CUX1: variants seen among roughly 807,000 people sequenced by gnomAD.
CUX1 encodes the protein cut like homeobox 1.
In CUX1, 31 loss-of-function variants were observed where a neutral mutation model predicts 158.8. The observed-to-expected ratio is 0.20, with a 90% CI of 0.15 to 0.26. CUX1 has a LOEUF of 0.26. CUX1 is among the 10% of genes least tolerant of loss of function. CUX1 has a pLI of 1.00. For synonymous variants in CUX1, 879 were observed against 862.1 expected, an observed-to-expected ratio of 1.02 and a Z score of -0.34; for missense variants, 1,589 against 2,014.6, an observed-to-expected ratio of 0.79 and a Z score of 4.04.
At chr7:101,879,576 G>T (rs559234301) in intron 1 of CUX1, among the ~76,000 whole-genome samples, 180 of 152,142 alleles carry the variant, frequency 1.2e-3, no homozygotes, top group African/African-American at 3.6e-3. Flanking sequence ...GGCCTTCTGG[G>T]GCTTACTTCC....
chr7:101,883,156 A>C (rs1584872521), intron 1 of CUX1, among the ~76,000 whole-genome samples: 1 of 152,128 alleles, frequency 6.6e-6, no homozygotes, highest in East Asian at 1.9e-4. Flanking sequence ...TTCCTATCAC[A>C]GCAATTTTCG....
At chr7:102,243,927 T>G (rs1227618715) in intron 23 of CUX1, among the ~76,000 whole-genome samples, 1 of 151,954 alleles carries the variant, frequency 6.6e-6, no homozygotes, top group Non-Finnish European at 1.5e-5. Context: ...CTCTAGAGGC[T>G]GAGGCAGGAG....
chr7:102,027,964 G>T, intron 2 of CUX1, 134 bp from the exon 3 acceptor site: 1 of 776,104 alleles, frequency 1.3e-6, no homozygotes, highest in Non-Finnish European at 2.1e-6. Flanking sequence ...GCAGGAATGG[G>T]TGAGGTCCCA....
intron 2 of CUX1, among the ~76,000 whole-genome samples, chr7:101,922,635 G>T (rs556450764): frequency 3.9e-5 from 6 of 152,248 alleles, no homozygotes; most frequent in Non-Finnish European, 8.8e-5. Context: ...TCTCCTCCTT[G>T]TGTCCTGGGG....
intron 2 of CUX1, among the ~76,000 whole-genome samples, chr7:101,918,582 C>T (rs1306166725): frequency 6.6e-6 from 1 of 152,252 alleles, no homozygotes; most frequent in East Asian, 1.9e-4. Context: ...TAACGAGGGT[C>T]TCACTGCAGC....
intron 2 of CUX1, among the ~76,000 whole-genome samples, chr7:102,026,034 C>T (rs1306191200): frequency 6.6e-6 from 1 of 152,078 alleles, no homozygotes; most frequent in Non-Finnish European, 1.5e-5. Context: ...AGAAAATTAG[C>T]AAGGCATGAT....
intron 14 of CUX1, among the ~76,000 whole-genome samples, chr7:102,269,981 C>T (rs1791097798): frequency 6.6e-6 from 1 of 152,326 alleles, no homozygotes; most frequent in Non-Finnish European, 1.5e-5. Context: ...AGCTGCCCAC[C>T]CCTTCCCCCA....
In CUX1 at chr7:102,084,473, G is replaced by A. The variant is rs1827759047; in HGVS notation, c.269-12891G>A. Among the ~76,000 whole-genome samples, 2 of 141,756 alleles carry A rather than the reference G, an allele frequency of 1.4e-5. 1 individual carries two copies. The highest frequency in any genetic ancestry group is 3.2e-5 in the Non-Finnish European group (2 of 63,258). 93.0% of individuals were successfully genotyped at this position (141,756 alleles called of 152,430 possible). On this transcript the variant is annotated intron_variant, in intron 4 of 23. Transcript: ENST00000292535. Reference sequence around the variant, plus strand: ...GAGTCTCGCTCTGTCACCCTGGCTGGAGTGCAGTGGCACAATCTTGGCTCA... The same window carrying A: ...GAGTCTCGCTCTGTCACCCTGGCTGAAGTGCAGTGGCACAATCTTGGCTCA...
chr7:102,131,911 A>G (rs1554497297), intron 8 of CUX1, among the ~76,000 whole-genome samples: 3 of 152,008 alleles, frequency 2.0e-5, no homozygotes, highest in African/African-American at 7.2e-5. Flanking sequence ...ACCTCAAGTG[A>G]TCCACCCACC....
At chr7:102,199,462 A>G (rs1029341428) in intron 16 of CUX1, among the ~76,000 whole-genome samples, 2 of 152,362 alleles carry the variant, frequency 1.3e-5, no homozygotes, top group East Asian at 3.9e-4. Context: ...GTGTGCCTGC[A>G]CAAAACATCA....
Position 102,234,232 on chromosome 7 carries a change from A to T in CUX1, c.3614A>T (p.Glu1205Val). The T allele has an allele frequency of 6.5e-7, 1 of 1,548,956 alleles. No individual in the cohort carries two copies. The highest frequency in any genetic ancestry group is 8.7e-7 in the Non-Finnish European group (1 of 1,148,286). ...VEKLMDMKRM[E>V]KKAYMKRRHS... The stretch of plus-strand genomic sequence containing the variant: ...AAGCTGATGGACATGAAACGGATGG[A>T]GAAGAAAGGTAAGTCTCCCTGCCCC... The change falls in exon 22 of 24, where the codon GAG (glutamate) becomes GTG (valine). Residue 1205 changes from glutamate (E) to valine (V), a missense_variant. Glu to Val is a moderately radical substitution (Grantham distance 121). Coordinates refer to ENST00000292535, the MANE Select transcript of CUX1 (RefSeq NM_181552.4).
At chr7:102,130,175 T>G (rs1355489081) in intron 8 of CUX1, among the ~76,000 whole-genome samples, 3 of 152,130 alleles carry the variant, frequency 2.0e-5, no homozygotes, top group Non-Finnish European at 4.4e-5. Flanking sequence ...AGTGCTGAGT[T>G]CTAAGGCAAG....
chr7:102,221,289 C>T (rs1554526831), intron 20 of CUX1, among the ~76,000 whole-genome samples: 2 of 152,222 alleles, frequency 1.3e-5, no homozygotes, highest in Non-Finnish European at 2.9e-5. Context: ...ATGCACAGTT[C>T]GCCTTATGGC....
In CUX1 at chr7:102,188,056, G is replaced by A. The variant is rs1387265831; in HGVS notation, c.1018-1757G>A. On this transcript the variant is annotated intron_variant, in intron 11 of 23. Coordinates refer to ENST00000292535, the MANE Select transcript of CUX1 (RefSeq NM_181552.4). ...AGACCCCCTCTCTTAAAAAATAACC[G>A]GGTGTGGTGATGTGCATCTGTAGTT... Among the ~76,000 whole-genome samples the A allele has an allele frequency of 7.2e-5, 11 of 151,970 alleles. 1 individual carries two copies. The highest frequency in any genetic ancestry group is 2.4e-4 in the African/African-American group (10 of 41,474).
chr7:102,018,539 G>A (rs907376099), intron 2 of CUX1, among the ~76,000 whole-genome samples: 3 of 152,178 alleles, frequency 2.0e-5, no homozygotes, highest in African/African-American at 7.2e-5. Flanking sequence ...TCACTGGGGT[G>A]TCTGATCCCC....
intron 8 of CUX1, among the ~76,000 whole-genome samples, chr7:102,124,782 ATT>A (rs879960291): frequency 5.6e-5 from 8 of 143,460 alleles, no homozygotes; most frequent in Admixed American, 1.4e-4. Flanking sequence ...GTTAGTAGAA[ATT>A]TTTTTTTTTT....
chr7:101,831,224 C>T (rs79956387), intron 1 of CUX1, among the ~76,000 whole-genome samples: 27 of 151,974 alleles, frequency 1.8e-4, no homozygotes, highest in African/African-American at 6.0e-4. Context: ...TCCTGTGTGC[C>T]GGGCAGCATT....
intron 8 of CUX1, among the ~76,000 whole-genome samples, chr7:102,144,772 T>C (rs1554501534): frequency 6.6e-6 from 1 of 151,862 alleles, no homozygotes; most frequent in Non-Finnish European, 1.5e-5. Flanking sequence ...CCAAACTTCA[T>C]AATGGTTTTA....
intron 1 of CUX1, among the ~76,000 whole-genome samples, chr7:101,836,604 G>A (rs113573566): frequency 4.6e-5 from 7 of 150,702 alleles, no homozygotes; most frequent in African/African-American, 1.7e-4. Context: ...CACTTTGGGA[G>A]GCCAAGGCGG....
Sources: gnomAD v4.1 joint callset for allele counts (sites outside exome capture counted in the v4.1 genomes callset) on GRCh38, gnomAD v4.1.1 for gene constraint, MANE v1.5 for transcripts, NCBI Gene and HGNC (gene_info 2026-07-23, HGNC 2026-07-21) for gene names.